Variants in SPPL3 observed in about 807,000 individuals in gnomAD.
The protein encoded by SPPL3 is signal peptide peptidase-like 3.
In SPPL3, 5 loss-of-function variants were observed where a neutral mutation model predicts 42.4. The observed-to-expected ratio is 0.12, with a 90% CI of 0.06 to 0.25. SPPL3 has a LOEUF of 0.25. Among genes scored for constraint, SPPL3 ranks in the 10% least tolerant of loss-of-function variants. The pLI is 1.00. For synonymous variants in SPPL3, 195 were observed against 181.8 expected, an observed-to-expected ratio of 1.07 and a Z score of -0.58; for missense variants, 235 against 489.0, an observed-to-expected ratio of 0.48 and a Z score of 4.90.
At chr12:120,811,633 A>G (rs1592974603) in intron 1 of SPPL3, among the ~76,000 whole-genome samples, 1 of 152,252 alleles carries the variant, frequency 6.6e-6, no homozygotes, top group East Asian at 1.9e-4. Context: ...CACCCTCCAC[A>G]TTGCCCATTC....
At chr12:120,888,933 C>T (rs543880956) in intron 1 of SPPL3, among the ~76,000 whole-genome samples, 15 of 152,040 alleles carry the variant, frequency 9.9e-5, no homozygotes, top group Non-Finnish European at 2.2e-4. Context: ...CCTCAGCCTC[C>T]CGAGTAAATA....
intron 2 of SPPL3, among the ~76,000 whole-genome samples, chr12:120,805,521 A>T (rs1251598253): frequency 6.6e-6 from 1 of 152,202 alleles, no homozygotes; most frequent in African/African-American, 2.4e-5. Flanking sequence ...AATAAGGGAG[A>T]AAAAGGGAAA....
intron 1 of SPPL3, chr12:120,835,715 G>A (rs565115618): frequency 2.6e-5 from 4 of 152,186 alleles, no homozygotes; most frequent in East Asian, 1.9e-4. Flanking sequence ...TCTCCAAGTC[G>A]GTATTACAGA....
intron 1 of SPPL3, among the ~76,000 whole-genome samples, chr12:120,856,489 T>C (rs1313360158): frequency 7.0e-6 from 1 of 142,392 alleles, no homozygotes; most frequent in Non-Finnish European, 1.5e-5. Flanking sequence ...GGTGTGGAGA[T>C]GAACAATTTT....
chr12:120,792,733 A>T (rs1304858647), intron 2 of SPPL3, among the ~76,000 whole-genome samples: 2 of 150,850 alleles, frequency 1.3e-5, no homozygotes, highest in Non-Finnish European at 3.0e-5. Flanking sequence ...GTTTTTTTGC[A>T]AAAGAACTTT....
At chr12:120,880,530 T>C (rs1229020479) in intron 1 of SPPL3, among the ~76,000 whole-genome samples, 2 of 152,060 alleles carry the variant, frequency 1.3e-5, no homozygotes, top group Non-Finnish European at 2.9e-5. Flanking sequence ...AGCTCATACC[T>C]GTAATCCCAG....
Position 120,782,691 on chromosome 12 carries a change from T to G in SPPL3, c.466A>C (p.Ile156Leu). ...AGCCAATGGCCAGTGAGAACCCAGA[T>G]GAGGACGAGCATGACAGACAGAGAG... ...SFSLSVMLVLIWVLTGHWLLM... is the reference protein window; with the variant it reads ...SFSLSVMLVLLWVLTGHWLLM... Residue 156 changes from isoleucine to leucine, a missense_variant, in exon 6 of 11, where the codon ATC (isoleucine) becomes CTC (leucine). By Grantham distance (5) the Ile-to-Leu change is conservative (BLOSUM62 2). Transcript: ENST00000353487. The G allele has an allele frequency of 6.2e-7, 1 of 1,611,870 alleles. No homozygotes were observed. Among genetic ancestry groups the G allele is most frequent in the Non-Finnish European group, 8.5e-7 (1 of 1,178,844 alleles).
intron 1 of SPPL3, among the ~76,000 whole-genome samples, chr12:120,895,260 T>C (rs998806807): frequency 6.6e-6 from 1 of 152,096 alleles, no homozygotes; most frequent in East Asian, 1.9e-4. Flanking sequence ...AAACTCCGTC[T>C]CTACAAAAAA....
At chr12:120,790,319 T>G in intron 3 of SPPL3, among the ~76,000 whole-genome samples, 1 of 152,224 alleles carries the variant, frequency 6.6e-6, no homozygotes, top group East Asian at 1.9e-4. Context: ...TGTGACTGGG[T>G]CTGTGCCCGG....
intron 1 of SPPL3, among the ~76,000 whole-genome samples, chr12:120,817,167 C>T (rs536660691): frequency 2.0e-4 from 30 of 151,686 alleles, no homozygotes; most frequent in African/African-American, 4.4e-4. Flanking sequence ...CGGTGGGGCG[C>T]GCCTGTAGTT....
intron 1 of SPPL3, among the ~76,000 whole-genome samples, chr12:120,899,513 C>T (rs775075726): frequency 3.9e-5 from 6 of 151,958 alleles, no homozygotes; most frequent in African/African-American, 4.8e-5. Flanking sequence ...ATGGTCCTTA[C>T]TCTCAAGGAG....
intron 6 of SPPL3, chr12:120,769,344 C>T (rs12579868): frequency 0.43 from 126,415 of 295,608 alleles, 30,083 homozygotes; most frequent in Admixed American, 0.57. Flanking sequence ...CTTTTCCTGC[C>T]TTCCCTCCAA....
intron 1 of SPPL3, among the ~76,000 whole-genome samples, chr12:120,894,383 T>A (rs529087010): frequency 6.6e-6 from 1 of 152,208 alleles, no homozygotes; most frequent in East Asian, 1.9e-4. Context: ...AAAGTCAGAG[T>A]ATACAGTCAA....
At chr12:120,785,727 T>C (rs1869698593) in intron 3 of SPPL3, among the ~76,000 whole-genome samples, 1 of 151,692 alleles carries the variant, frequency 6.6e-6, no homozygotes, top group Non-Finnish European at 1.5e-5. Flanking sequence ...TCCCAGCACT[T>C]TGAAAGGCTG....
At chr12:120,814,128 A>T (rs1249824345) in intron 1 of SPPL3, among the ~76,000 whole-genome samples, 1 of 152,228 alleles carries the variant, frequency 6.6e-6, no homozygotes, top group Non-Finnish European at 1.5e-5. Context: ...ATGAAGCTGG[A>T]ATGATAGGTA....
At chr12:120,876,231 G>A (rs1347579462) in intron 1 of SPPL3, among the ~76,000 whole-genome samples, 1 of 152,032 alleles carries the variant, frequency 6.6e-6, no homozygotes, top group Non-Finnish European at 1.5e-5. Context: ...TCTAACTACA[G>A]GAGAATTAAA....
At chr12:120,902,260 G>C (rs987640958) in intron 1 of SPPL3, among the ~76,000 whole-genome samples, 1 of 152,104 alleles carries the variant, frequency 6.6e-6, no homozygotes. Flanking sequence ...TCTTGAGATT[G>C]CACATACATC....
chr12:120,821,854 T>C (rs2137009663), intron 1 of SPPL3, among the ~76,000 whole-genome samples: 1 of 152,274 alleles, frequency 6.6e-6, no homozygotes, highest in East Asian at 1.9e-4. Flanking sequence ...CAAGTGTCTA[T>C]CGGTGAATGA....
rs756829847 is a variant in SPPL3, at chr12:120,766,384, G to A, written c.974-12C>T. On this transcript the variant is annotated splice_polypyrimidine_tract_variant and intron_variant, in intron 9 of 10. Coordinates refer to ENST00000353487, the MANE Select transcript of SPPL3 (RefSeq NM_139015.5). ...AGCAGTGAGCAGGCCTGTGAGGAGA[G>A]AGAGGCATCTGTGAGACACGAGAGG... The A allele has an allele frequency of 2.6e-6, 4 of 1,567,726 alleles. No homozygotes were observed. The South Asian group carries it at 3.5e-5, about 14-fold the overall frequency.
Sources: gnomAD v4.1 joint callset for allele counts (sites outside exome capture counted in the v4.1 genomes callset) on GRCh38, gnomAD v4.1.1 for gene constraint, MANE v1.5 for transcripts, NCBI Gene and HGNC (gene_info 2026-07-23, HGNC 2026-07-21) for gene names.